The following MRNIP variants were observed in gnomAD, a reference collection of about 807,000 sequenced individuals.
MRNIP encodes the protein MRN complex-interacting protein.
MRNIP carries 30 observed loss-of-function variants against 29.8 expected under a neutral mutation model. The ratio of observed to expected loss-of-function variants is 1.01; its 90% CI spans 0.75 to 1.36. The LOEUF is 1.36. Ranked by LOEUF, MRNIP falls within the 40% of genes most tolerant of loss-of-function variation. The pLI, the probability that MRNIP is intolerant of heterozygous loss-of-function variation, is 0.00. For synonymous variants in MRNIP, 201 were observed against 164.1 expected (o/e 1.23, Z -1.72); for missense variants, 459 against 423.5 (o/e 1.08, Z -0.74).
At chr5:179,851,779 C>T (rs1197069868) in intron 2 of MRNIP, among the ~76,000 whole-genome samples, 1 of 152,044 alleles carries the variant, frequency 6.6e-6, no homozygotes, top group Admixed American at 6.6e-5. Flanking sequence ...GAGATTGACA[C>T]CATCCTGGCT....
chr5:179,846,969 C>A (rs1021130402), intron 3 of MRNIP: 3 of 152,138 alleles, frequency 2.0e-5, no homozygotes, highest in Admixed American at 2.0e-4. Context: ...GGCTCCAGAG[C>A]ACCGGGCTTC....
At position 179,840,946 on chromosome 5, in the gene MRNIP, T is replaced by G; in HGVS notation, c.463A>C (p.Ser155Arg). The change falls in exon 6 of 7, where the codon AGC becomes CGC. Residue 155 changes from serine (S) to arginine (R), a missense_variant. By Grantham distance (110) the Ser-to-Arg change is moderately radical (BLOSUM62 -1). Coordinates refer to ENST00000292586, the MANE Select transcript of MRNIP (RefSeq NM_016175.4). ...CGGCTGCACGGAGGCTGGACGGTGCTCCTGCTCCACTTCCTGTCAGGACAG... is the reference window on the plus strand; with the variant it reads ...CGGCTGCACGGAGGCTGGACGGTGCGCCTGCTCCACTTCCTGTCAGGACAG... ...DLPRKRKWSR[S>R]TVQPPCSRGV... The G allele has an allele frequency of 2.5e-6, 4 of 1,607,696 alleles. No individual in the cohort carries two copies. Among genetic ancestry groups the G allele is most frequent in the Non-Finnish European group, 3.4e-6 (4 of 1,177,404 alleles).
chr5:179,841,028 CACA>C, intron 5 of MRNIP, 69 bp from the exon 6 acceptor site: 1 of 1,131,328 alleles, frequency 8.8e-7, no homozygotes, highest in Non-Finnish European at 1.3e-6. Context: ...ACTCCACGAT[CACA>C]TGGCCCACAG....
chr5:179,846,525 T>C (rs2113554590), intron 3 of MRNIP, among the ~76,000 whole-genome samples: 1 of 152,104 alleles, frequency 6.6e-6, no homozygotes, highest in South Asian at 2.1e-4. Flanking sequence ...TCATGATCCA[T>C]CTGCCCCGGC....
chr5:179,842,468 C>T (rs1359970720), intron 4 of MRNIP, among the ~76,000 whole-genome samples: 1 of 149,108 alleles, frequency 6.7e-6, no homozygotes, highest in Non-Finnish European at 1.5e-5. Context: ...ATCACAAGGT[C>T]AGGAGATCGA....
At chr5:179,851,411 T>C in intron 2 of MRNIP, 1 of 456,004 alleles carries the variant, frequency 2.2e-6, no homozygotes, top group Non-Finnish European at 4.4e-6. Context: ...GAGCAGAGAA[T>C]CTGACTGAAC....
intron 1 of MRNIP, 24 bp downstream of exon 1, chr5:179,858,707 G>T: frequency 7.0e-7 from 1 of 1,433,446 alleles, no homozygotes; most frequent in African/African-American, 1.4e-5. Flanking sequence ...CGGAGGAGGA[G>T]GAGGGGGCTG....
At chr5:179,843,024 T>G (rs1758963251) in intron 4 of MRNIP, among the ~76,000 whole-genome samples, 1 of 99,362 alleles carries the variant, frequency 1.0e-5, no homozygotes, top group East Asian at 2.8e-4. Context: ...ACAGCGAGAC[T>G]CTGTCGAAAG....
chr5:179,857,425 C>A (rs1015503117), intron 1 of MRNIP, among the ~76,000 whole-genome samples: 3 of 151,946 alleles, frequency 2.0e-5, no homozygotes. Flanking sequence ...CACGCTACTG[C>A]ACTCCAGCCT....
chr5:179,851,012 G>A (rs900250146), intron 2 of MRNIP: 2 of 340,548 alleles, frequency 5.9e-6, no homozygotes, highest in South Asian at 2.3e-5. Flanking sequence ...CAAGGGCAGC[G>A]CCCTGCTGAC....
At chr5:179,842,912 A>G (rs564737035) in intron 4 of MRNIP, among the ~76,000 whole-genome samples, 2 of 151,928 alleles carry the variant, frequency 1.3e-5, no homozygotes, top group East Asian at 3.9e-4. Context: ...GCGTGCCTGT[A>G]ATCCCAGCTT....
At chr5:179,855,009 T>C (rs900093197) in intron 1 of MRNIP, among the ~76,000 whole-genome samples, 9 of 152,222 alleles carry the variant, frequency 5.9e-5, no homozygotes, top group African/African-American at 2.2e-4. Context: ...AGTTGTAAGA[T>C]GTATAAAAAT....
chr5:179,858,634 C>T, intron 1 of MRNIP, 97 bp downstream of exon 1: 2 of 769,594 alleles, frequency 2.6e-6, no homozygotes, highest in Non-Finnish European at 4.0e-6. Context: ...GGGCCCGGTG[C>T]ATCCCGGAGC....
At chr5:179,838,033 G>A (rs1758690108) in intron 6 of MRNIP, 148 bp from the exon 7 acceptor site, 7 of 714,856 alleles carry the variant, frequency 9.8e-6, no homozygotes, top group Non-Finnish European at 1.6e-5. Flanking sequence ...TTGATTTTGA[G>A]GGTTAGCAAG....
intron 1 of MRNIP, among the ~76,000 whole-genome samples, chr5:179,856,840 G>A (rs902139484): frequency 2.3e-4 from 34 of 151,100 alleles, no homozygotes; most frequent in Admixed American, 1.2e-3. Flanking sequence ...CCGTAGTCCC[G>A]GCACTTTGGG....
chr5:179,838,124 C>G (rs1758695855), intron 6 of MRNIP: 1 of 581,346 alleles, frequency 1.7e-6, no homozygotes, highest in Non-Finnish European at 3.1e-6. Flanking sequence ...ACAAGACATT[C>G]TCATGTCATC....
chr5:179,854,019 A>AT lies in MRNIP; in HGVS notation c.67-583dup, dbSNP rs543395166. Among the ~76,000 whole-genome samples, 626 of 121,220 alleles carry AT rather than the reference A, an allele frequency of 5.2e-3. 3 individuals are homozygous for AT. The highest frequency in any genetic ancestry group is 0.011 in the Middle Eastern group (2 of 174). 79.5% of individuals were successfully genotyped at this position (121,220 alleles called of 152,430 possible). On this transcript the variant is annotated intron_variant, in intron 1 of 6. Transcript: ENST00000292586. Reference sequence around the variant, plus strand: ...GAGCCACCATGCCTGGCCTGAAATAATTTTTTTTTTTTTTTTTTTGAGACA... The same window carrying AT: ...GAGCCACCATGCCTGGCCTGAAATAATTTTTTTTTTTTTTTTTTTTGAGACA...
intron 4 of MRNIP, among the ~76,000 whole-genome samples, chr5:179,843,041 A>G (rs186127753): frequency 0.015 from 1,587 of 106,266 alleles, 44 homozygotes; most frequent in East Asian, 0.14. Context: ...AAAGGAGGAA[A>G]GAAGGAAGGA....
At chr5:179,850,549 C>T (rs527926520) in intron 2 of MRNIP, among the ~76,000 whole-genome samples, 2 of 152,296 alleles carry the variant, frequency 1.3e-5, no homozygotes, top group South Asian at 2.1e-4. Context: ...GAGAACCAAC[C>T]GTTGTTTTTA....
Sources: allele counts gnomAD v4.1 joint callset (sites outside exome capture counted in the v4.1 genomes callset), GRCh38; gene constraint gnomAD v4.1.1; transcripts MANE v1.5; gene names NCBI Gene and HGNC (gene_info 2026-07-23, HGNC 2026-07-21).